The following MIDEAS variants were observed in gnomAD, a reference collection of about 807,000 sequenced individuals.
MIDEAS encodes mitotic deacetylase-associated SANT domain protein.
MIDEAS carries 26 observed loss-of-function variants against 102.7 expected under a neutral mutation model. That is an observed-to-expected ratio of 0.25 (90% CI 0.19 to 0.35). The LOEUF is 0.35. Among genes scored for constraint, MIDEAS ranks in the 10% least tolerant of loss-of-function variants. The pLI is 1.00. For missense variants in MIDEAS, 1,231 were observed against 1,435.6 expected (o/e 0.86, Z 2.30); for synonymous variants, 585 against 591.0 (o/e 0.99, Z 0.15).
At chr14:73,774,396 G>A (rs2053671511) in intron 1 of MIDEAS, among the ~76,000 whole-genome samples, 2 of 151,838 alleles carry the variant, frequency 1.3e-5, no homozygotes, top group African/African-American at 4.8e-5. Context: ...GGTGGGACAG[G>A]ACTTTCATTT....
intron 10 of MIDEAS, chr14:73,722,440 C>T (rs535675968): frequency 1.5e-5 from 5 of 323,686 alleles, no homozygotes; most frequent in Middle Eastern, 9.0e-4. Context: ...GTCTGCTAAG[C>T]GGAGATAGGA....
At position 73,721,315 on chromosome 14, in the gene MIDEAS, T is replaced by C; in HGVS notation, c.2919A>G (p.Thr973=). ...RRAAAVKATQ[T]LQANESASDI... ...CACTCACCGACTCATTGGCCTGTAG[T>C]GTCTGCGTGGCTTTGACTGCCGCTG... The change falls in exon 11 of 13, where the codon ACA becomes ACG. Residue 973 remains threonine (T), a synonymous_variant. Coordinates refer to ENST00000423556, the MANE Select transcript of MIDEAS (RefSeq NM_001367710.1). 2 of 1,613,424 alleles carry C rather than the reference T, an allele frequency of 1.2e-6. No homozygotes were observed. Among genetic ancestry groups the C allele is most frequent in the South Asian group, 1.1e-5 (1 of 91,080 alleles).
chr14:73,731,718 G>A (rs893687206), intron 3 of MIDEAS, among the ~76,000 whole-genome samples: 28 of 152,182 alleles, frequency 1.8e-4, no homozygotes, highest in African/African-American at 4.3e-4. Flanking sequence ...GGAATGACAC[G>A]ATGTCTCAGG....
intron 1 of MIDEAS, among the ~76,000 whole-genome samples, chr14:73,767,221 T>A (rs1184529130): frequency 1.3e-5 from 2 of 152,176 alleles, no homozygotes; most frequent in African/African-American, 4.8e-5. Context: ...TTCAGTGGTG[T>A]ATGGTATTAG....
intron 1 of MIDEAS, among the ~76,000 whole-genome samples, chr14:73,756,293 T>TGCGC (rs1245182607): frequency 0.12 from 8,725 of 74,860 alleles, 320 homozygotes; most frequent in Non-Finnish European, 0.17. Context: ...TGTGTGTGTG[T>TGCGC]GTGCGCGCGC....
At chr14:73,772,794 AGTGTGTGTGTGTGT>A (rs61402555) in intron 1 of MIDEAS, among the ~76,000 whole-genome samples, 28 of 135,720 alleles carry the variant, frequency 2.1e-4, no homozygotes, top group South Asian at 7.5e-4. Flanking sequence ...TTCAAGTTCT[AGTGTGTGTGTGTGT>A]GTGTGTGTGT....
Position 73,736,999 on chromosome 14 carries a change from T to C in MIDEAS, c.1748A>G (p.Gln583Arg), listed in dbSNP as rs757630167. Reference sequence around the variant, plus strand: ...GTTTAGAAGGGGCGCCTCTCATACCTGAGCTTGAGCATCTGTCCCGGGGAT... The same window carrying C: ...GTTTAGAAGGGGCGCCTCTCATACCCGAGCTTGAGCATCTGTCCCGGGGAT... ...TRIPGTDAQA[Q>R]AEDMNVKLEG... The change falls in exon 3 of 13, where the codon CAG becomes CGG. Residue 583 changes from glutamine (Q) to arginine (R), a missense_variant and splice_region_variant. Gln to Arg is a conservative substitution (Grantham distance 43). Transcript: ENST00000423556. 2 of 1,610,064 alleles carry C rather than the reference T, an allele frequency of 1.2e-6. No individual in the cohort carries two copies. The highest frequency in any genetic ancestry group is 2.2e-5 in the East Asian group (1 of 44,804).
chr14:73,755,568 C>A (rs1430479575), intron 1 of MIDEAS, among the ~76,000 whole-genome samples: 1 of 152,194 alleles, frequency 6.6e-6, no homozygotes, highest in African/African-American at 2.4e-5. Context: ...TGCCCACCCA[C>A]GTGAGCAGCT....
intron 11 of MIDEAS, among the ~76,000 whole-genome samples, chr14:73,720,005 G>T (rs1223495376): frequency 1.3e-5 from 2 of 151,886 alleles, no homozygotes; most frequent in Non-Finnish European, 2.9e-5. Flanking sequence ...GGCAAGGGCA[G>T]GGGTCAGAGT....
chr14:73,753,096 A>G (rs1487381665), intron 1 of MIDEAS, among the ~76,000 whole-genome samples: 2 of 152,334 alleles, frequency 1.3e-5, no homozygotes, highest in East Asian at 3.9e-4. Flanking sequence ...GCCCACACTA[A>G]GCTGAAACCA....
chr14:73,771,073 C>G (rs749159538), intron 1 of MIDEAS, among the ~76,000 whole-genome samples: 2 of 152,122 alleles, frequency 1.3e-5, no homozygotes, highest in Non-Finnish European at 2.9e-5. Flanking sequence ...CACACACACA[C>G]AGCCATCACT....
In MIDEAS at chr14:73,739,570, C is replaced by T. The variant is rs1161860025; in HGVS notation, c.439G>A (p.Gly147Arg). 1.2e-6 allele frequency: 2 copies of T among 1,614,150 alleles called. No homozygotes were observed. Among genetic ancestry groups the T allele is most frequent in the South Asian group, 1.1e-5 (1 of 91,082 alleles). Residue 147 changes from glycine to arginine, a missense_variant, in exon 2 of 13, where the codon GGG becomes AGG. This residue lies in a region of MIDEAS where 758 missense variants were observed against 856.0 expected (regional missense o/e 0.89). Coordinates refer to ENST00000423556, the MANE Select transcript of MIDEAS (RefSeq NM_001367710.1). ...HSLSLYSATKGSPHPGVGVPT... is the reference protein window; with the variant it reads ...HSLSLYSATKRSPHPGVGVPT... ...ACTCCCACTCCAGGATGCGGGCTCC[C>T]CTTGGTTGCACTGTAGAGGGACAGA...
At chr14:73,736,563 G>A (rs1033634752) in intron 3 of MIDEAS, among the ~76,000 whole-genome samples, 6 of 152,018 alleles carry the variant, frequency 3.9e-5, no homozygotes, top group Admixed American at 1.3e-4. Flanking sequence ...CCCAGGAGGC[G>A]GAGGTTGCAG....
chr14:73,745,692 T>C (rs1179131633), intron 1 of MIDEAS, among the ~76,000 whole-genome samples: 2 of 152,092 alleles, frequency 1.3e-5, no homozygotes, highest in Non-Finnish European at 2.9e-5. Flanking sequence ...CCATCTGCAA[T>C]GCTACATGCA....
chr14:73,731,344 G>A (rs529046153), intron 3 of MIDEAS, among the ~76,000 whole-genome samples: 1 of 152,288 alleles, frequency 6.6e-6, no homozygotes, highest in Middle Eastern at 3.4e-3. Context: ...CATTCCAGCA[G>A]AGGGCCCTGA....
chr14:73,719,233 T>TCC, intron 12 of MIDEAS, 72 bp downstream of exon 12: 1 of 555,436 alleles, frequency 1.8e-6, no homozygotes, highest in Non-Finnish European at 2.4e-6. Context: ...CCCCCTCCCC[T>TCC]CCACCCCACC....
chr14:73,762,491 C>T (rs1341967152), upstream of MIDEAS, among the ~76,000 whole-genome samples: 1 of 152,332 alleles, frequency 6.6e-6, no homozygotes, highest in East Asian at 1.9e-4. Flanking sequence ...AAGGGGCACA[C>T]ATGTGTGCAG....
intron 1 of MIDEAS, among the ~76,000 whole-genome samples, chr14:73,745,917 A>G (rs970198011): frequency 3.9e-5 from 6 of 152,178 alleles, no homozygotes; most frequent in African/African-American, 4.8e-5. Flanking sequence ...CAGTCCCTGG[A>G]CCATCACTTC....
chr14:73,758,317 G>C (rs1222721651), intron 1 of MIDEAS, among the ~76,000 whole-genome samples: 1 of 152,216 alleles, frequency 6.6e-6, no homozygotes, highest in Non-Finnish European at 1.5e-5. Flanking sequence ...GATCCAAAAG[G>C]GGCGTGTGCC....
Sources: gnomAD v4.1 joint callset for allele counts (sites outside exome capture counted in the v4.1 genomes callset) on GRCh38, gnomAD v4.1.1 for gene constraint, gnomAD v4.1.1 regional missense constraint, MANE v1.5 for transcripts, NCBI Gene and HGNC (gene_info 2026-07-23, HGNC 2026-07-21) for gene names.